The following TBCEL variants were observed in gnomAD, a reference collection of about 807,000 sequenced individuals.
TBCEL encodes tubulin folding cofactor E like, also known as tubulin-specific chaperone cofactor E-like protein.
In TBCEL, 15 loss-of-function variants were observed where a neutral mutation model predicts 44.2. That is an observed-to-expected ratio of 0.34 (90% CI 0.23 to 0.52). The LOEUF (loss-of-function observed/expected upper bound fraction) is 0.52, where lower values mean the gene tolerates loss of function less well. Ranked by LOEUF, TBCEL falls within the 20% of genes least tolerant of loss-of-function variation. The probability of loss-of-function intolerance (pLI) is 0.95; values close to 1 mark genes in which losing one functional copy is unlikely to be tolerated. For missense variants in TBCEL, 319 were observed against 506.3 expected (o/e 0.63, Z 3.55); for synonymous variants, 171 against 185.4 (o/e 0.92, Z 0.63).
chr11:121,090,510 A>G lies in TBCEL; in HGVS notation c.*3414A>G, dbSNP rs1157950674. 2.0e-5 allele frequency: 3 copies of G among 152,148 alleles called. No homozygotes were observed. The highest frequency in any genetic ancestry group is 2.0e-4 in the Admixed American group (3 of 15,254). The allele number at this position is 152,148 out of a possible 1,614,324, so 9.4% of individuals were successfully genotyped here. On this transcript the variant is annotated 3_prime_UTR_variant, in exon 9 of 9. Coordinates refer to ENST00000683345, the MANE Select transcript of TBCEL (RefSeq NM_001363644.2). ...CTGCTCTCAAGAACACCCAGAAGCT[A>G]TCTGTGTTACCAGATGTGTTGTGAA...
chr11:121,084,319 C>T (rs2186601), intron 8 of TBCEL, among the ~76,000 whole-genome samples: 27,119 of 151,678 alleles, frequency 0.18, 2,531 homozygotes, highest in East Asian at 0.33. Context: ...TCTACAGTCT[C>T]CATTTTCATC....
intron 1 of TBCEL, 59 bp downstream of exon 1, chr11:121,024,350 C>G (rs1945005098): frequency 6.6e-6 from 1 of 152,568 alleles, no homozygotes; most frequent in Non-Finnish European, 1.5e-5. Flanking sequence ...GCGTTCCCCT[C>G]TGGAGCCGAG....
chr11:121,029,760 G>T (rs994267515), intron 1 of TBCEL, among the ~76,000 whole-genome samples: 1 of 145,060 alleles, frequency 6.9e-6, no homozygotes, highest in Non-Finnish European at 1.5e-5. Context: ...CGTTTCCGGT[G>T]ATTTTCAAAA....
intron 8 of TBCEL, among the ~76,000 whole-genome samples, chr11:121,070,057 C>T (rs932065208): frequency 9.9e-5 from 15 of 152,154 alleles, no homozygotes; most frequent in Non-Finnish European, 1.2e-4. Flanking sequence ...TGAACAGACA[C>T]TTCTCAAAAG....
At position 121,060,065 on chromosome 11, in the gene TBCEL, A is replaced by G; in HGVS notation, c.936A>G (p.Pro312=). The change falls in exon 8 of 9, where the codon CCA becomes CCG. Residue 312 remains proline, a synonymous_variant. Coordinates refer to ENST00000683345, the MANE Select transcript of TBCEL (RefSeq NM_001363644.2). ...RFFIRYYVDV[P]QEEVPFRYHE... The stretch of plus-strand genomic sequence containing the variant: ...TTATTCGTTACTATGTGGATGTTCC[A>G]CAGGAAGAAGTGCCATTCAGGTAAA... The G allele has an allele frequency of 6.2e-7, 1 of 1,611,278 alleles. No homozygotes were observed. The highest frequency in any genetic ancestry group is 8.5e-7 in the Non-Finnish European group (1 of 1,178,190).
intron 8 of TBCEL, among the ~76,000 whole-genome samples, chr11:121,077,219 C>T (rs758647264): frequency 6.8e-6 from 1 of 147,786 alleles, no homozygotes; most frequent in Non-Finnish European, 1.5e-5. Flanking sequence ...TTATTTTCTT[C>T]TAAGATATTT....
chr11:121,027,989 T>C (rs1238935496), intron 1 of TBCEL, among the ~76,000 whole-genome samples: 3 of 152,046 alleles, frequency 2.0e-5, no homozygotes, highest in African/African-American at 4.8e-5. Context: ...GGAGGATCGC[T>C]TGAATCCAGG....
chr11:121,070,345 A>G (rs1020630470), intron 8 of TBCEL, among the ~76,000 whole-genome samples: 2 of 152,178 alleles, frequency 1.3e-5, no homozygotes, highest in African/African-American at 4.8e-5. Flanking sequence ...CAGTGATCCC[A>G]TTACTGGGTA....
intron 1 of TBCEL, chr11:121,035,752 T>TATG (rs1249547907): frequency 1.3e-5 from 2 of 152,208 alleles, no homozygotes; most frequent in African/African-American, 4.8e-5. Flanking sequence ...AACATGCATA[T>TATG]ATGATTTTCT....
At chr11:121,074,540 A>G (rs1945999068) in intron 8 of TBCEL, among the ~76,000 whole-genome samples, 1 of 151,964 alleles carries the variant, frequency 6.6e-6, no homozygotes, top group South Asian at 2.1e-4. Flanking sequence ...TTTCTTAATC[A>G]GCCCTGCTAA....
rs541237407 is a variant in TBCEL at position 121,089,430 on chromosome 11, A to G, written c.*2334A>G. On this transcript the variant is annotated 3_prime_UTR_variant, in exon 9 of 9. Coordinates refer to ENST00000683345, the MANE Select transcript of TBCEL (RefSeq NM_001363644.2). The stretch of plus-strand genomic sequence containing the variant: ...ATGTGGGTATTTTTAGGGCATTGTA[A>G]TTGATGGTTTTAATAATTGCTGAAT... The G allele has an allele frequency of 6.6e-6, 1 of 152,152 alleles. No homozygotes were observed. The highest frequency in any genetic ancestry group is 2.4e-5 in the African/African-American group (1 of 41,438). 9.4% of individuals were successfully genotyped at this position (152,152 alleles called of 1,614,324 possible).
At chr11:121,047,067 T>C (rs1945443454) in intron 3 of TBCEL, among the ~76,000 whole-genome samples, 1 of 151,950 alleles carries the variant, frequency 6.6e-6, no homozygotes, top group Admixed American at 6.6e-5. Context: ...TTTGAGATGA[T>C]TTTCAGAGGC....
At chr11:121,033,668 T>C (rs1198991430) in intron 1 of TBCEL, among the ~76,000 whole-genome samples, 1 of 152,218 alleles carries the variant, frequency 6.6e-6, no homozygotes, top group Non-Finnish European at 1.5e-5. Context: ...GTACGTAACA[T>C]AAAATTTATC....
chr11:121,082,416 C>CT (rs937540844), intron 8 of TBCEL, among the ~76,000 whole-genome samples: 14 of 152,226 alleles, frequency 9.2e-5, no homozygotes, highest in African/African-American at 3.4e-4. Flanking sequence ...GTCTCTCTGA[C>CT]TTCCTCTTTT....
At position 121,087,512 on chromosome 11, in the gene TBCEL, G is replaced by A. The variant is rs1591427775; in HGVS notation, c.*416G>A. ...GGTGACAAGGAATCTTCACAGGAAGGGCCAGAACTTCTCTCTCCCAGTTCT... is the reference window on the plus strand; with the variant it reads ...GGTGACAAGGAATCTTCACAGGAAGAGCCAGAACTTCTCTCTCCCAGTTCT... On this transcript the variant is annotated 3_prime_UTR_variant, in exon 9 of 9. Coordinates refer to ENST00000683345, the MANE Select transcript of TBCEL (RefSeq NM_001363644.2). 1 of 158,008 alleles carries A rather than the reference G, an allele frequency of 6.3e-6. No individual in the cohort carries two copies. The highest frequency in any genetic ancestry group is 1.9e-4 in the East Asian group (1 of 5,336). 9.8% of individuals were successfully genotyped at this position (158,008 alleles called of 1,614,324 possible).
chr11:121,049,395 A>G (rs1045202357), intron 4 of TBCEL, among the ~76,000 whole-genome samples: 1 of 151,856 alleles, frequency 6.6e-6, no homozygotes, highest in Admixed American at 6.6e-5. Context: ...AAATTTCTCT[A>G]TTTTATGCCC....
chr11:121,053,439 G>C, intron 4 of TBCEL, 112 bp from the exon 5 acceptor site: 1 of 889,986 alleles, frequency 1.1e-6, no homozygotes, highest in Non-Finnish European at 1.7e-6. Flanking sequence ...AGGACTCCTT[G>C]ATGTAAATGG....
chr11:121,033,449 C>T (rs1176580416), intron 1 of TBCEL, among the ~76,000 whole-genome samples: 2 of 152,096 alleles, frequency 1.3e-5, no homozygotes, highest in Non-Finnish European at 2.9e-5. Flanking sequence ...TTGTATACAT[C>T]GTAAATTAGA....
chr11:121,024,727 T>C (rs909550929), intron 1 of TBCEL, among the ~76,000 whole-genome samples: 1 of 152,136 alleles, frequency 6.6e-6, no homozygotes, highest in African/African-American at 2.4e-5. Context: ...TCTGAACTAC[T>C]GAATCCCAGA....
Sources: allele counts gnomAD v4.1 joint callset (sites outside exome capture counted in the v4.1 genomes callset), GRCh38; gene constraint gnomAD v4.1.1; transcripts MANE v1.5; gene names NCBI Gene and HGNC (gene_info 2026-07-23, HGNC 2026-07-21).